TTC7B: variants seen among roughly 807,000 people sequenced by gnomAD.
The protein encoded by TTC7B is tetratricopeptide repeat domain 7B.
In TTC7B, 28 loss-of-function variants were observed where a neutral mutation model predicts 106.8. That is an observed-to-expected ratio of 0.26 (90% CI 0.19 to 0.36). The LOEUF is 0.36. Ranked by LOEUF, TTC7B falls within the 10% of genes least tolerant of loss-of-function variation. The pLI is 1.00. For synonymous variants in TTC7B, 405 were observed against 430.6 expected (o/e 0.94, Z 0.74); for missense variants, 862 against 1,076.4 (o/e 0.80, Z 2.79).
At chr14:90,557,702 C>G (rs1216352824) in intron 19 of TTC7B, among the ~76,000 whole-genome samples, 2 of 152,212 alleles carry the variant, frequency 1.3e-5, no homozygotes, top group Non-Finnish European at 2.9e-5. Context: ...TGCCTATGCT[C>G]GGGGGGAGAG....
rs991634079 is a variant in TTC7B, at chr14:90,657,773, C to T, written c.1237-495G>A. On this transcript the variant is annotated intron_variant, in intron 10 of 19. Coordinates refer to ENST00000328459, the MANE Select transcript of TTC7B (RefSeq NM_001010854.2). The surrounding 1 kb of genome is among the most constrained non-coding windows in gnomAD (Gnocchi z 4.2). ...CACCTCTGGTGTAGCATCTCATTCT[C>T]CTGATAACACATCTATGGAGCAGGT... 1 of 181,452 alleles carries T rather than the reference C, an allele frequency of 5.5e-6. No homozygotes were observed. Among genetic ancestry groups the T allele is most frequent in the South Asian group, 1.1e-4 (1 of 8,966 alleles). The allele number at this position is 181,452 out of a possible 1,614,324, so 11.2% of individuals were successfully genotyped here.
At position 90,541,258 on chromosome 14, in the gene TTC7B, G is replaced by A. The variant is rs1483329123; in HGVS notation, c.*110C>T. ...GTTCACTGTGGCCCACTGAACACTC[G>A]TCCCTGGCCTCAGTGTGGCAGATTC... is the stretch of plus-strand genomic sequence containing the variant. On this transcript the variant is annotated 3_prime_UTR_variant, in exon 20 of 20. Transcript: ENST00000328459. 17 of 1,018,878 alleles carry A rather than the reference G, an allele frequency of 1.7e-5. No homozygotes were observed. Among genetic ancestry groups the A allele is most frequent in the Admixed American group, 2.8e-5 (1 of 35,536 alleles). The allele number at this position is 1,018,878 out of a possible 1,614,324, so 63.1% of individuals were successfully genotyped here. A position where few individuals can be genotyped will look rare whatever the true frequency, so the allele number is the denominator to read the frequency against.
At chr14:90,640,651 T>C (rs1465778873) in intron 15 of TTC7B, among the ~76,000 whole-genome samples, 3 of 152,234 alleles carry the variant, frequency 2.0e-5, no homozygotes, top group Non-Finnish European at 4.4e-5. Flanking sequence ...GATTCTAAAA[T>C]ACCATATTTG....
chr14:90,737,676 A>G (rs1294470490), intron 4 of TTC7B, among the ~76,000 whole-genome samples: 2 of 149,486 alleles, frequency 1.3e-5, no homozygotes, highest in Non-Finnish European at 3.0e-5. Flanking sequence ...CCTCAGCCTC[A>G]GCCTCCCAAG....
At chr14:90,632,476 A>T (rs999711355) in intron 15 of TTC7B, among the ~76,000 whole-genome samples, 1 of 152,166 alleles carries the variant, frequency 6.6e-6, no homozygotes, top group Non-Finnish European at 1.5e-5. Context: ...TGTATACTCC[A>T]CTCAAGTAAA....
intron 12 of TTC7B, 142 bp from the exon 13 acceptor site, chr14:90,653,040 C>A: frequency 1.2e-6 from 1 of 837,472 alleles, no homozygotes; most frequent in Non-Finnish European, 2.0e-6. Flanking sequence ...TGCACCAGGC[C>A]CTGGAGAAGA....
At position 90,663,243 on chromosome 14, in the gene TTC7B, G is replaced by A. The variant is rs951724901; in HGVS notation, c.1153-4856C>T. ...GGGTACGCGGGCCTCAGAGTTGGTG[G>A]TGGAGCCAGCTGGGAGTGAAGCGGT... On this transcript the variant is annotated intron_variant, in intron 9 of 19. Coordinates refer to ENST00000328459, the MANE Select transcript of TTC7B (RefSeq NM_001010854.2). This position sits in a 1 kb window ranked among gnomAD's most constrained non-coding sequence, Gnocchi z 4.5. Among the ~76,000 whole-genome samples, 6 of 152,206 alleles carry A rather than the reference G, an allele frequency of 3.9e-5. No individual in the cohort carries two copies. The highest frequency in any genetic ancestry group is 8.8e-5 in the Non-Finnish European group (6 of 68,028).
At chr14:90,709,457 G>A (rs1282447276) in intron 5 of TTC7B, among the ~76,000 whole-genome samples, 13 of 144,422 alleles carry the variant, frequency 9.0e-5, no homozygotes, top group South Asian at 6.8e-4. Context: ...AACACCACAC[G>A]TTCTCACTCA....
At chr14:90,635,585 C>G (rs1397388676) in intron 15 of TTC7B, among the ~76,000 whole-genome samples, 2 of 150,448 alleles carry the variant, frequency 1.3e-5, no homozygotes, top group African/African-American at 4.9e-5. Flanking sequence ...ACAGTGAAAC[C>G]CCATCTCTAC....
In TTC7B at chr14:90,578,213, T is replaced by C. The variant is rs768587819; in HGVS notation, c.2203A>G (p.Met735Val). Residue 735 changes from methionine (M) to valine (V), a missense_variant, in exon 19 of 20, where the codon ATG (methionine) becomes GTG (valine). Transcript: ENST00000328459. The surrounding 1 kb of genome is among the most constrained non-coding windows in gnomAD (Gnocchi z 4.7). ...CGGAGCTCAGCAATCTGGCCGCGCA[T>C]GTAGAGGACATTGTGGGACATTGGG... ...LFPMSHNVLY[M>V]RGQIAELRGS... is the part of the protein sequence containing the mutation. 3.7e-6 allele frequency: 6 copies of C among 1,614,100 alleles called. No individual in the cohort carries two copies. Among genetic ancestry groups the C allele is most frequent in the East Asian group, 4.5e-5 (2 of 44,888 alleles).
rs1893150619 is a variant in TTC7B, at chr14:90,617,942, G to A, written c.1855C>T (p.Leu619Phe). The A allele has an allele frequency of 2.5e-6, 4 of 1,613,596 alleles. No homozygotes were observed. The highest frequency in any genetic ancestry group is 2.5e-6 in the Non-Finnish European group (3 of 1,179,608). ...MLQIWKSCYN[L>F]TNPSDSGRGS... ...CTGGCCTCTTACCTGGGGTTGGTGA[G>A]GTTGTAGCAGGATTTCCATATCTGC... Residue 619 changes from leucine (L) to phenylalanine (F), a missense_variant, in exon 16 of 20, where the codon CTC (leucine) becomes TTC (phenylalanine). Transcript: ENST00000328459.
intron 15 of TTC7B, among the ~76,000 whole-genome samples, chr14:90,638,115 G>A (rs1885023248): frequency 6.6e-6 from 1 of 151,740 alleles, no homozygotes; most frequent in South Asian, 2.1e-4. Context: ...GAACTCCTGA[G>A]CTCAAGCGAT....
chr14:90,814,518 C>T (rs191390488), intron 1 of TTC7B, among the ~76,000 whole-genome samples: 62 of 152,058 alleles, frequency 4.1e-4, no homozygotes, highest in African/African-American at 1.1e-3. Flanking sequence ...CAGGTGGGCA[C>T]GCAAATATTG....
At chr14:90,581,822 T>C (rs1891506174) in intron 18 of TTC7B, among the ~76,000 whole-genome samples, 1 of 152,224 alleles carries the variant, frequency 6.6e-6, no homozygotes, top group African/African-American at 2.4e-5. Context: ...AGTATCTCAC[T>C]GGTCGCCAAG....
At chr14:90,641,963 T>G (rs1885198380) in intron 15 of TTC7B, among the ~76,000 whole-genome samples, 1 of 134,690 alleles carries the variant, frequency 7.4e-6, no homozygotes, top group South Asian at 2.4e-4. Context: ...GTGTGTGTGT[T>G]GGAGGGTGAG....
At position 90,627,805 on chromosome 14, in the gene TTC7B, C is replaced by G. The variant is rs141063304; in HGVS notation, c.1752-9760G>C. Among the ~76,000 whole-genome samples the G allele has an allele frequency of 4.1e-3, 630 of 152,314 alleles. 1 individual carries two copies. Among genetic ancestry groups the G allele is most frequent in the Non-Finnish European group, 7.4e-3 (501 of 68,032 alleles). The stretch of plus-strand genomic sequence containing the variant: ...CATAGTTAGCTGGAATAAATCACCT[C>G]AAGAAACCCCAGTTTGGCTCATTTT... On this transcript the variant is annotated intron_variant, in intron 15 of 19. Coordinates refer to ENST00000328459, the MANE Select transcript of TTC7B (RefSeq NM_001010854.2).
intron 15 of TTC7B, among the ~76,000 whole-genome samples, chr14:90,627,192 C>T (rs2139860132): frequency 6.6e-6 from 1 of 152,164 alleles, no homozygotes; most frequent in South Asian, 2.1e-4. Flanking sequence ...CATTATGTTG[C>T]CCAGCCTGTT....
At position 90,660,486 on chromosome 14, in the gene TTC7B, A is replaced by G. The variant is rs1886158449; in HGVS notation, c.1153-2099T>C. Among the ~76,000 whole-genome samples the G allele has an allele frequency of 1.3e-5, 2 of 152,032 alleles. 1 individual carries two copies. Among genetic ancestry groups the G allele is most frequent in the Non-Finnish European group, 2.9e-5 (2 of 67,992 alleles). Reference sequence around the variant, plus strand: ...TAGAAAAGGTTTAAACAACAACAAAATCCCCCTCCACCAAAGGGGAGAGAA... The same window carrying G: ...TAGAAAAGGTTTAAACAACAACAAAGTCCCCCTCCACCAAAGGGGAGAGAA... On this transcript the variant is annotated intron_variant, in intron 9 of 19. Coordinates refer to ENST00000328459, the MANE Select transcript of TTC7B (RefSeq NM_001010854.2).
At chr14:90,737,424 C>T (rs776391803) in intron 4 of TTC7B, among the ~76,000 whole-genome samples, 1 of 151,818 alleles carries the variant, frequency 6.6e-6, no homozygotes, top group African/African-American at 2.4e-5. Context: ...CACACAATGG[C>T]ACAATTATTT....
Sources: gnomAD v4.1 joint callset for allele counts (sites outside exome capture counted in the v4.1 genomes callset) on GRCh38, gnomAD v4.1.1 for gene constraint, Gnocchi (gnomAD v3.1) non-coding constraint, MANE v1.5 for transcripts, NCBI Gene and HGNC (gene_info 2026-07-23, HGNC 2026-07-21) for gene names.